CDH8: variants seen among roughly 807,000 people sequenced by gnomAD.
CDH8 encodes cadherin 8.
A neutral mutation model predicts 68.1 loss-of-function variants in CDH8; 17 were observed. The observed-to-expected ratio is 0.25, with a 90% CI of 0.17 to 0.37. The LOEUF is 0.37. Among genes scored for constraint, CDH8 ranks in the 10% least tolerant of loss-of-function variants. CDH8 has a pLI of 1.00. For missense variants in CDH8, 763 were observed against 999.3 expected (o/e 0.76, Z 3.19); for synonymous variants, 372 against 365.1 (o/e 1.02, Z -0.21).
At chr16:62,032,184 C>G (rs1457813533) in intron 1 of CDH8, among the ~76,000 whole-genome samples, 1 of 152,090 alleles carries the variant, frequency 6.6e-6, no homozygotes, top group Non-Finnish European at 1.5e-5. Flanking sequence ...AAAGACTGAT[C>G]AATATACAAA....
chr16:61,931,164 G>A (rs979179055), intron 2 of CDH8, among the ~76,000 whole-genome samples: 7 of 151,760 alleles, frequency 4.6e-5, no homozygotes, highest in Admixed American at 4.6e-4. Context: ...CTTTTGTTTT[G>A]TTTTGTTTTG....
chr16:61,675,455 G>C (rs1305093689), intron 10 of CDH8, among the ~76,000 whole-genome samples: 3 of 118,968 alleles, frequency 2.5e-5, no homozygotes, highest in East Asian at 2.9e-4. Context: ...GTGGTGGGGT[G>C]GGGGGAGGGG....
chr16:61,856,787 C>T lies in CDH8; in HGVS notation c.667+332G>A, dbSNP rs542685400. The stretch of plus-strand genomic sequence containing the variant: ...AATTGGAACTTAGATACTTTTCAAG[C>T]ATCACACAGCCAATAAGCAACTGAA... On this transcript the variant is annotated intron_variant, in intron 4 of 11. Coordinates refer to ENST00000577390, the MANE Select transcript of CDH8 (RefSeq NM_001796.5). Among the ~76,000 whole-genome samples, 5 of 152,248 alleles carry T rather than the reference C, an allele frequency of 3.3e-5. No homozygotes were observed. The East Asian group carries it at 9.7e-4, about 29-fold the overall frequency.
intron 10 of CDH8, among the ~76,000 whole-genome samples, chr16:61,677,652 A>G (rs1963939714): frequency 6.6e-6 from 1 of 152,106 alleles, no homozygotes; most frequent in African/African-American, 2.4e-5. Context: ...CTATGTAAGT[A>G]CATCTATCTA....
At chr16:61,982,042 CATGAACA>C (rs1222054449) in intron 2 of CDH8, among the ~76,000 whole-genome samples, 1 of 152,098 alleles carries the variant, frequency 6.6e-6, no homozygotes, top group Non-Finnish European at 1.5e-5. Flanking sequence ...CCCCCACCTT[CATGAACA>C]ATGATTAGCA....
At chr16:61,772,979 G>T (rs1960816164) in intron 8 of CDH8, among the ~76,000 whole-genome samples, 1 of 151,942 alleles carries the variant, frequency 6.6e-6, no homozygotes, top group Admixed American at 6.6e-5. Context: ...CTATTTCAAT[G>T]CATTTGATGG....
chr16:61,984,244 T>C (rs1326754612), intron 2 of CDH8, among the ~76,000 whole-genome samples: 2 of 152,110 alleles, frequency 1.3e-5, no homozygotes, highest in Non-Finnish European at 2.9e-5. Flanking sequence ...GCACTAACCC[T>C]ATCATGGGGG....
chr16:62,024,678 G>A (rs577614795), intron 1 of CDH8, among the ~76,000 whole-genome samples: 4 of 152,302 alleles, frequency 2.6e-5, no homozygotes, highest in Middle Eastern at 6.8e-3. Flanking sequence ...AAGGGGATAC[G>A]TGTGTAGTCA....
intron 4 of CDH8, among the ~76,000 whole-genome samples, chr16:61,829,465 G>A (rs987348182): frequency 3.3e-5 from 5 of 151,820 alleles, no homozygotes; most frequent in African/African-American, 4.8e-5. Context: ...CATTTTGCCT[G>A]CATGTCACTC....
chr16:61,779,576 T>G (rs1448229190), intron 8 of CDH8, among the ~76,000 whole-genome samples: 5 of 152,076 alleles, frequency 3.3e-5, no homozygotes, highest in Admixed American at 3.3e-4. Flanking sequence ...ATTCCTTGTT[T>G]GTTTGTTTTA....
chr16:61,883,094 G>A (rs11865575), intron 3 of CDH8, among the ~76,000 whole-genome samples: 31,491 of 151,938 alleles, frequency 0.21, 3,639 homozygotes, highest in African/African-American at 0.32. Context: ...TATCCTCCCT[G>A]CCAGGCTTTG....
chr16:61,671,289 G>A (rs965125095), intron 10 of CDH8, among the ~76,000 whole-genome samples: 46 of 151,944 alleles, frequency 3.0e-4, no homozygotes, highest in Admixed American at 9.2e-4. Context: ...CCCTTTCACC[G>A]TATTCCATTT....
At chr16:61,743,508 T>C (rs952943485) in intron 8 of CDH8, 1 of 152,248 alleles carries the variant, frequency 6.6e-6, no homozygotes, top group African/African-American at 2.4e-5. Flanking sequence ...CTATAGAAGT[T>C]GTAGCAATGC....
chr16:61,894,961 T>C (rs1356970952), intron 3 of CDH8, among the ~76,000 whole-genome samples: 1 of 152,124 alleles, frequency 6.6e-6, no homozygotes, highest in Non-Finnish European at 1.5e-5. Context: ...AAACCCAGAG[T>C]CCATTCAAGT....
chr16:61,657,977 C>T (rs566821704), intron 10 of CDH8, among the ~76,000 whole-genome samples: 9 of 152,172 alleles, frequency 5.9e-5, no homozygotes, highest in Non-Finnish European at 1.0e-4. Flanking sequence ...CCTTTCTACA[C>T]GCAGAAGACT....
chr16:61,867,424 T>C (rs1256697165), intron 3 of CDH8, among the ~76,000 whole-genome samples: 1 of 152,132 alleles, frequency 6.6e-6, no homozygotes, highest in Non-Finnish European at 1.5e-5. Flanking sequence ...TGTGATCAAA[T>C]GCAGTGGGTG....
rs192915482 is a variant in CDH8 at position 61,703,578 on chromosome 16, C to T, written c.1654+10263G>A. On this transcript the variant is annotated intron_variant, in intron 10 of 11. Coordinates refer to ENST00000577390, the MANE Select transcript of CDH8 (RefSeq NM_001796.5). The stretch of plus-strand genomic sequence containing the variant: ...CATGCAGGCCAGGTGCGGTGGCTCA[C>T]GCCTGTAATCTCAGCACTTTGGGAG... 4.1e-3 allele frequency among the ~76,000 whole-genome samples: 627 copies of T among 152,300 alleles called. 3 individuals carry two copies. The highest frequency in any genetic ancestry group is 6.1e-3 in the Non-Finnish European group (417 of 68,020).
At chr16:61,663,207 G>C (rs1963602676) in intron 10 of CDH8, among the ~76,000 whole-genome samples, 1 of 152,010 alleles carries the variant, frequency 6.6e-6, no homozygotes, top group African/African-American at 2.4e-5. Context: ...CAAGTACGTA[G>C]ACTTGCTTAG....
intron 8 of CDH8, among the ~76,000 whole-genome samples, chr16:61,732,809 G>A (rs577288133): frequency 2.0e-5 from 3 of 151,514 alleles, no homozygotes; most frequent in African/African-American, 2.4e-5. Flanking sequence ...TTATATTATC[G>A]TATATAATAG....
Sources: gnomAD v4.1 joint callset for allele counts (sites outside exome capture counted in the v4.1 genomes callset) on GRCh38, gnomAD v4.1.1 for gene constraint, MANE v1.5 for transcripts, NCBI Gene and HGNC (gene_info 2026-07-23, HGNC 2026-07-21) for gene names.